Variants in ATXN2L observed in about 807,000 individuals in gnomAD.
ATXN2L encodes the protein ataxin-2-like protein.
Under a neutral mutation model 120.7 loss-of-function variants are expected in ATXN2L, and 24 were observed. That is an observed-to-expected ratio of 0.20 (90% CI 0.14 to 0.28). ATXN2L has a LOEUF of 0.28. ATXN2L is among the 10% of genes least tolerant of loss of function. The pLI, the probability that ATXN2L is intolerant of heterozygous loss-of-function variation, is 1.00. For synonymous variants in ATXN2L, 653 were observed against 568.1 expected (o/e 1.15, Z -2.13); for missense variants, 1,312 against 1,432.3 (o/e 0.92, Z 1.36).
At position 28,832,237 on chromosome 16, in the gene ATXN2L, T is replaced by C. The variant is rs762904424; in HGVS notation, c.1354T>C (p.Ser452Pro). 1 of 1,614,118 alleles carries C rather than the reference T, an allele frequency of 6.2e-7. No homozygotes were observed. Among genetic ancestry groups the C allele is most frequent in the Admixed American group, 1.7e-5 (1 of 60,012 alleles). Residue 452 changes from serine to proline, a missense_variant, in exon 11 of 22, where the codon TCT becomes CCT. Physicochemically the swap from Ser to Pro is moderately conservative, Grantham distance 74 (BLOSUM62 -1). Coordinates refer to ENST00000336783, the MANE Select transcript of ATXN2L (RefSeq NM_007245.4). The part of the protein sequence containing the change: ...GRMYPPRSPK[S>P]AAPAPISASC... Reference sequence around the variant, plus strand: ...GATGTATCCCCCGCGTTCTCCCAAGTCTGCTGCCCCTGCCCCAATCTCAGC... The same window carrying C: ...GATGTATCCCCCGCGTTCTCCCAAGCCTGCTGCCCCTGCCCCAATCTCAGC...
Position 28,836,653 on chromosome 16 carries a change from C to G in ATXN2L, c.*388C>G, listed in dbSNP as rs565835401. The G allele has an allele frequency of 4.3e-6, 7 of 1,612,562 alleles. No homozygotes were observed. The African/African-American group carries it at 9.3e-5, about 22-fold the overall frequency. Reference sequence around the variant, plus strand: ...TCCCAGACACACCCCCACGCCCCCACTGGACGGCATTGGAGGAAGGGACAG... The same window carrying G: ...TCCCAGACACACCCCCACGCCCCCAGTGGACGGCATTGGAGGAAGGGACAG... On this transcript the variant is annotated 3_prime_UTR_variant, in exon 22 of 22. Transcript: ENST00000336783.
intron 1 of ATXN2L, chr16:28,824,207 C>T (rs2050818886): frequency 9.5e-7 from 1 of 1,054,694 alleles, no homozygotes; most frequent in African/African-American, 1.7e-5. Context: ...CCGGGAACAC[C>T]TAGGGCAGGG....
intron 1 of ATXN2L, 129 bp downstream of exon 1, chr16:28,823,687 G>C (rs995235532): frequency 6.0e-6 from 6 of 1,006,652 alleles, no homozygotes; most frequent in Non-Finnish European, 7.7e-6. Context: ...GTGAAGCTGG[G>C]GGAGGGCCCC....
Position 28,831,759 on chromosome 16 carries a change from C to T in ATXN2L, c.1322-446C>T, listed in dbSNP as rs530153898. ...ATTAGCTAGGCTTGATGGCGTGCAC[C>T]TGTACTCCCAGCTACTTGCGAGGCT... On this transcript the variant is annotated intron_variant, in intron 10 of 21. Transcript: ENST00000336783. Among the ~76,000 whole-genome samples the T allele has an allele frequency of 5.3e-5, 8 of 152,316 alleles. No individual in the cohort carries two copies. The East Asian group carries it at 1.4e-3, about 26-fold the overall frequency.
chr16:28,836,563 A>C lies in ATXN2L; in HGVS notation c.*298A>C. On this transcript the variant is annotated 3_prime_UTR_variant, in exon 22 of 22. Transcript: ENST00000336783. ...GGCACATGAGTGAGGGCTCTGGCTT[A>C]CTGGGAAACAGCGATTGACCTGTGC... is the stretch of plus-strand genomic sequence containing the variant. The C allele has an allele frequency of 6.4e-7, 1 of 1,569,622 alleles. No individual in the cohort carries two copies. Among genetic ancestry groups the C allele is most frequent in the Non-Finnish European group, 8.6e-7 (1 of 1,160,630 alleles).
At position 28,834,142 on chromosome 16, in the gene ATXN2L, C is replaced by T. The variant is rs2055599134; in HGVS notation, c.2103C>T (p.Gly701=). The T allele has an allele frequency of 6.2e-7, 1 of 1,614,146 alleles. No homozygotes were observed. Among genetic ancestry groups the T allele is most frequent in the South Asian group, 1.1e-5 (1 of 91,082 alleles). The change falls in exon 16 of 22, where the codon GGC becomes GGT. Residue 701 remains glycine (G), a synonymous_variant. Transcript: ENST00000336783. The stretch of plus-strand genomic sequence containing the variant: ...CCTCCATCCCGGTGCTGACAGCAGG[C>T]CAGAGTGGGCTATACAGCCCCCAGT... ...STPSIPVLTA[G]QSGLYSPQYI...
chr16:28,832,943 T>TAGATGAGGCAA, intron 13 of ATXN2L, 56 bp downstream of exon 13: 1 of 1,603,914 alleles, frequency 6.2e-7, no homozygotes, highest in Non-Finnish European at 8.5e-7. Context: ...GAGTGGTTCG[T>TAGATGAGGCAA]AGATGAGGCA....
At chr16:28,835,510 G>T in intron 20 of ATXN2L, 39 bp from the exon 21 acceptor site, 2 of 1,611,132 alleles carry the variant, frequency 1.2e-6, no homozygotes, top group Non-Finnish European at 1.7e-6. Context: ...CCAGCGAGTT[G>T]CTGGCCTGTG....
intron 13 of ATXN2L, 54 bp from the exon 14 acceptor site, chr16:28,833,005 A>AAG (rs2055087595): frequency 6.3e-7 from 1 of 1,595,624 alleles, no homozygotes; most frequent in Non-Finnish European, 8.6e-7. Context: ...TGAAAGAAGA[A>AAG]AGCCAGGACT....
At chr16:28,834,239 G>A in intron 16 of ATXN2L, 28 bp downstream of exon 16, 1 of 1,611,294 alleles carries the variant, frequency 6.2e-7, no homozygotes, top group Non-Finnish European at 8.5e-7. Flanking sequence ...CCGGGCCCAG[G>A]GTTAGCGGGG....
Position 28,836,137 on chromosome 16 carries a change from C to G in ATXN2L, c.3100C>G (p.Gln1034Glu). The change falls in exon 22 of 22, where the codon CAG becomes GAG. Residue 1034 changes from glutamine (Q) to glutamate (E), a missense_variant. Gln to Glu is a conservative substitution (Grantham distance 29, BLOSUM62 2). Transcript: ENST00000336783. Reference sequence around the variant, plus strand: ...ACACCCCCAAGGTGAGCAGCCTGGCCAGGCGCCTGGATTTCCAGGAGGAGC... The same window carrying G: ...ACACCCCCAAGGTGAGCAGCCTGGCGAGGCGCCTGGATTTCCAGGAGGAGC... ...IGHPQGEQPGQAPGFPGGADD... is the reference protein window; with the variant it reads ...IGHPQGEQPGEAPGFPGGADD... 6.2e-7 allele frequency: 1 copy of G among 1,614,132 alleles called. No homozygotes were observed.
At position 28,833,075 on chromosome 16, in the gene ATXN2L, C is replaced by A. The variant is rs750998062; in HGVS notation, c.1676C>A (p.Ser559Tyr). ...GAQFKLQPSSSPENSLDPFPP... is the reference protein window; with the variant it reads ...GAQFKLQPSSYPENSLDPFPP... ...CTCTTCCAGCTTCAGCCCAGTAGCT[C>A]CCCTGAGAACAGCCTGGATCCTTTT... The change falls in exon 14 of 22, where the codon TCC becomes TAC. Residue 559 changes from serine to tyrosine, a missense_variant. Ser to Tyr is a moderately radical substitution (Grantham distance 144). Coordinates refer to ENST00000336783, the MANE Select transcript of ATXN2L (RefSeq NM_007245.4). 2 of 1,613,912 alleles carry A rather than the reference C, an allele frequency of 1.2e-6. No homozygotes were observed. Among genetic ancestry groups the A allele is most frequent in the African/African-American group, 2.7e-5 (2 of 74,916 alleles).
Position 28,834,070 on chromosome 16 carries a change from A to G in ATXN2L, c.2031A>G (p.Lys677=). ...NPTKPLLSVN[K]STSTPTSPGP... ...GTCCTCCCTTGTTTTTGCAGAATAA[A>G]TCCACCAGTACCCCAACTTCTCCGG... The change falls in exon 16 of 22, where the codon AAA becomes AAG. Residue 677 remains lysine, a synonymous_variant. Transcript: ENST00000336783. The G allele has an allele frequency of 3.1e-6, 5 of 1,612,204 alleles. No homozygotes were observed. The highest frequency in any genetic ancestry group is 4.2e-6 in the Non-Finnish European group (5 of 1,179,524).
chr16:28,834,094 G>C lies in ATXN2L; in HGVS notation c.2055G>C (p.Pro685=). ...VNKSTSTPTS[P]GPRTHSTPSI... ...AATCCACCAGTACCCCAACTTCTCC[G>C]GGGCCCCGGACTCATTCAACTCCCT... Residue 685 remains proline (P), a synonymous_variant, in exon 16 of 22, where the codon CCG becomes CCC. Transcript: ENST00000336783. The C allele has an allele frequency of 1.2e-6, 2 of 1,613,868 alleles. No homozygotes were observed. Among genetic ancestry groups the C allele is most frequent in the Admixed American group, 1.7e-5 (1 of 59,922 alleles).
At chr16:28,826,569 T>G (rs779958257) in intron 5 of ATXN2L, 179 bp downstream of exon 5, 1 of 674,304 alleles carries the variant, frequency 1.5e-6, no homozygotes, top group Non-Finnish European at 2.4e-6. Flanking sequence ...CTTAAAAATA[T>G]GTCTTGATGT....
chr16:28,833,310 G>A lies in ATXN2L; in HGVS notation c.1911G>A (p.Val637=). 6.2e-7 allele frequency: 1 copy of A among 1,614,086 alleles called. No homozygotes were observed. Among genetic ancestry groups the A allele is most frequent in the Non-Finnish European group, 8.5e-7 (1 of 1,179,962 alleles). Residue 637 remains valine, a synonymous_variant, in exon 14 of 22, where the codon GTG becomes GTA. Coordinates refer to ENST00000336783, the MANE Select transcript of ATXN2L (RefSeq NM_007245.4). The part of the protein sequence containing the change: ...PCPSQTGSPP[V]GLIKGEDKDE... ...CAAGCCAAACTGGCAGCCCCCCGGT[G>A]GGCCTCATCAAGGGAGAAGACAAAG...
In ATXN2L at chr16:28,827,655, C is replaced by T. The variant is rs80232529; in HGVS notation, c.741+669C>T. ...GGGAGGCCAAGGCAGGAGCTCCGAT[C>T]ACTTGAGCCCAGGAGTTTGAGGCTG... On this transcript the variant is annotated intron_variant, in intron 6 of 21. Coordinates refer to ENST00000336783, the MANE Select transcript of ATXN2L (RefSeq NM_007245.4). Among the ~76,000 whole-genome samples the T allele has an allele frequency of 3.0e-3, 463 of 152,274 alleles. 5 individuals are homozygous for T. Among genetic ancestry groups the T allele is most frequent in the African/African-American group, 0.011 (437 of 41,554 alleles).
Position 28,835,045 on chromosome 16 carries a change from TC to T in ATXN2L, c.2434-12del. On this transcript the variant is annotated splice_polypyrimidine_tract_variant and intron_variant, in intron 18 of 21. Coordinates refer to ENST00000336783, the MANE Select transcript of ATXN2L (RefSeq NM_007245.4). ...GGCGGCTGTGCCAACCACTCCTCTC[TC>T]TGTCCCGCCAGCCGGTGTTTGCCCC... 6.2e-7 allele frequency: 1 copy of T among 1,604,982 alleles called. No individual in the cohort carries two copies. The highest frequency in any genetic ancestry group is 1.7e-4 in the Middle Eastern group (1 of 6,002).
chr16:28,837,045 G>A lies in ATXN2L; in HGVS notation c.*780G>A, dbSNP rs1230287847. The A allele has an allele frequency of 1.9e-5, 12 of 648,132 alleles. No individual in the cohort carries two copies. Among genetic ancestry groups the A allele is most frequent in the African/African-American group, 5.4e-5 (3 of 55,702 alleles). The allele number at this position is 648,132 out of a possible 1,614,324, so 40.1% of individuals were successfully genotyped here. ...TCTCATCTATTCCCCCGCTGGAGAC[G>A]GAAGATCTTTTATTTTCTATTATTT... On this transcript the variant is annotated 3_prime_UTR_variant, in exon 22 of 22. Transcript: ENST00000336783.
Sources: gnomAD v4.1 joint callset for allele counts (sites outside exome capture counted in the v4.1 genomes callset) on GRCh38, gnomAD v4.1.1 for gene constraint, MANE v1.5 for transcripts, NCBI Gene and HGNC (gene_info 2026-07-23, HGNC 2026-07-21) for gene names.